The following SOX5 variants were observed in gnomAD, a reference collection of about 807,000 sequenced individuals.
SOX5 encodes the protein transcription factor SOX-5.
In SOX5, 9 loss-of-function variants were observed where a neutral mutation model predicts 92.0. The observed-to-expected ratio is 0.10, with a 90% CI of 0.06 to 0.17. SOX5 has a LOEUF of 0.17. SOX5 is among the 10% of genes least tolerant of loss of function. The pLI, the probability that SOX5 is intolerant of heterozygous loss-of-function variation, is 1.00. For missense variants in SOX5, 642 were observed against 944.5 expected, an observed-to-expected ratio of 0.68 and a Z score of 4.20; for synonymous variants, 344 against 336.3, an observed-to-expected ratio of 1.02 and a Z score of -0.25.
intron 4 of SOX5, among the ~76,000 whole-genome samples, chr12:24,055,258 A>G (rs1028155801): frequency 6.6e-6 from 1 of 152,198 alleles, no homozygotes; most frequent in Non-Finnish European, 1.5e-5. Flanking sequence ...CCTTCAAGGA[A>G]GAGGGACCTA....
At chr12:24,063,816 G>A (rs1940178515) in intron 4 of SOX5, among the ~76,000 whole-genome samples, 1 of 152,130 alleles carries the variant, frequency 6.6e-6, no homozygotes, top group Non-Finnish European at 1.5e-5. Context: ...TACTTGCTCT[G>A]TACGTTTAGC....
At chr12:23,739,375 G>A (rs2140978464) in intron 5 of SOX5, among the ~76,000 whole-genome samples, 1 of 151,806 alleles carries the variant, frequency 6.6e-6, no homozygotes, top group Middle Eastern at 3.4e-3. Flanking sequence ...AGTTTTTATT[G>A]TCTGATTTCG....
intron 4 of SOX5, among the ~76,000 whole-genome samples, chr12:24,161,111 T>C (rs1952710459): frequency 1.3e-5 from 2 of 152,114 alleles, no homozygotes; most frequent in African/African-American, 4.8e-5. Flanking sequence ...CGCTGAGGTA[T>C]TGTTATCCTA....
intron 1 of SOX5, among the ~76,000 whole-genome samples, chr12:24,403,750 C>T (rs1327891888): frequency 6.6e-6 from 1 of 152,152 alleles, no homozygotes; most frequent in Non-Finnish European, 1.5e-5. Context: ...ATTAGTGCAG[C>T]TTCATTAAAG....
At chr12:23,600,067 G>T (rs533872990) in intron 9 of SOX5, among the ~76,000 whole-genome samples, 3 of 152,104 alleles carry the variant, frequency 2.0e-5, no homozygotes, top group Non-Finnish European at 4.4e-5. Context: ...ATTTGTTAAG[G>T]CCATAAGCAG....
Position 23,800,773 on chromosome 12 carries a change from G to T in SOX5, c.482-45049C>A, listed in dbSNP as rs76318299. On this transcript the variant is annotated intron_variant, in intron 3 of 14. Transcript: ENST00000451604. The stretch of plus-strand genomic sequence containing the variant: ...ACAGGTCCGAAAGAAGGTATATCAT[G>T]AAATAAACCATTATTCTCATTAGAA... 8.2e-3 allele frequency among the ~76,000 whole-genome samples: 1,241 copies of T among 152,188 alleles called. 34 individuals are homozygous for T. In the South Asian group the frequency reaches 0.087, roughly 11 times the overall value.
At chr12:24,460,247 C>A (rs528355303) in intron 1 of SOX5, among the ~76,000 whole-genome samples, 1 of 152,168 alleles carries the variant, frequency 6.6e-6, no homozygotes, top group South Asian at 2.1e-4. Flanking sequence ...TGAGGTCCAA[C>A]CTAAAGGCTG....
intron 1 of SOX5, among the ~76,000 whole-genome samples, chr12:24,468,672 G>A (rs576793299): frequency 5.9e-5 from 9 of 152,064 alleles, no homozygotes; most frequent in Non-Finnish European, 1.2e-4. Flanking sequence ...CTAGTCTCAC[G>A]GTGCTTAAAT....
chr12:24,244,020 A>G (rs915542307), intron 3 of SOX5, among the ~76,000 whole-genome samples: 11 of 150,574 alleles, frequency 7.3e-5, no homozygotes, highest in African/African-American at 2.5e-4. Context: ...CGTTAGGAAG[A>G]TTTAAATTTT....
chr12:23,542,795 T>G (rs1942366313), intron 13 of SOX5, among the ~76,000 whole-genome samples: 1 of 152,174 alleles, frequency 6.6e-6, no homozygotes, highest in African/African-American at 2.4e-5. Context: ...TAAAACTCCT[T>G]ATCCTTCTGT....
chr12:23,571,723 G>A (rs1434891884), intron 10 of SOX5, among the ~76,000 whole-genome samples: 1 of 151,952 alleles, frequency 6.6e-6, no homozygotes, highest in African/African-American at 2.4e-5. Context: ...TTAAAGCTGA[G>A]GTAATAAATA....
At chr12:23,693,749 T>C (rs1251390903) in intron 6 of SOX5, among the ~76,000 whole-genome samples, 3 of 152,224 alleles carry the variant, frequency 2.0e-5, no homozygotes, top group Non-Finnish European at 4.4e-5. Context: ...ATGTTACTTC[T>C]GTTCTAATCA....
intron 3 of SOX5, among the ~76,000 whole-genome samples, chr12:24,233,186 G>A (rs374272511): frequency 2.0e-5 from 3 of 152,164 alleles, no homozygotes; most frequent in East Asian, 1.9e-4. Flanking sequence ...TCACACAAAC[G>A]AAATGAGAAA....
intron 2 of SOX5, among the ~76,000 whole-genome samples, chr12:23,894,759 A>T (rs1359639318): frequency 6.6e-6 from 1 of 152,208 alleles, no homozygotes; most frequent in East Asian, 1.9e-4. Context: ...TATATTTATG[A>T]CAGGCAATAA....
At chr12:23,599,932 A>T (rs1260439450) in intron 9 of SOX5, among the ~76,000 whole-genome samples, 1 of 152,224 alleles carries the variant, frequency 6.6e-6, no homozygotes, top group Non-Finnish European at 1.5e-5. Flanking sequence ...CTCTTAAAAG[A>T]CTACATGAAA....
intron 3 of SOX5, among the ~76,000 whole-genome samples, chr12:23,795,364 G>GT (rs2095544297): frequency 6.6e-6 from 1 of 151,766 alleles, no homozygotes; most frequent in South Asian, 2.1e-4. Flanking sequence ...GACTCATTCT[G>GT]TTTATCACAG....
At chr12:24,327,539 C>T (rs756357763) in intron 2 of SOX5, among the ~76,000 whole-genome samples, 7 of 151,526 alleles carry the variant, frequency 4.6e-5, no homozygotes, top group Non-Finnish European at 8.8e-5. Context: ...CCTCAGCCTC[C>T]CAAGTAGCTG....
rs1318124566 is a variant in SOX5 at position 23,600,546 on chromosome 12, TATATATACAC to T, written c.1164+3831_1164+3840del. Among the ~76,000 whole-genome samples the T allele has an allele frequency of 1.6e-4, 20 of 125,530 alleles. 3 individuals carry two copies. Among genetic ancestry groups the T allele is most frequent in the South Asian group, 5.0e-4 (2 of 3,974 alleles). 82.4% of individuals were successfully genotyped at this position (125,530 alleles called of 152,430 possible). On this transcript the variant is annotated intron_variant, in intron 9 of 14. Coordinates refer to ENST00000451604, the MANE Select transcript of SOX5 (RefSeq NM_006940.6). ...GCATATATATATATATATATATATA[TATATATACAC>T]ATACTTGGCTTGGGACTAAAAAAAC...
rs755649536 is a variant in SOX5 at position 24,391,563 on chromosome 12, G to A, written c.-250-22924C>T. 6.6e-5 allele frequency among the ~76,000 whole-genome samples: 10 copies of A among 152,032 alleles called. No homozygotes were observed. In the East Asian group the frequency reaches 9.6e-4, roughly 15 times the overall value. ...AGATATACTAATCTAGTTCCCTTAC[G>A]TACAGTTCTTCGGCTATTAATCCAT... On this transcript the variant is annotated intron_variant, in intron 1 of 4. Transcript: ENST00000446891.
Sources: allele counts gnomAD v4.1 joint callset (sites outside exome capture counted in the v4.1 genomes callset), GRCh38; gene constraint gnomAD v4.1.1; transcripts MANE v1.5; gene names NCBI Gene and HGNC (gene_info 2026-07-23, HGNC 2026-07-21).